NRXN1: variants seen among roughly 807,000 people sequenced by gnomAD.
NRXN1 encodes neurexin 1, also known as neurexin-1.
Under a neutral mutation model 150.9 loss-of-function variants are expected in NRXN1, and 39 were observed. The observed-to-expected ratio is 0.26, with a 90% CI of 0.20 to 0.34. NRXN1 has a LOEUF of 0.34. Among genes scored for constraint, NRXN1 ranks in the 10% least tolerant of loss-of-function variants. The pLI, the probability that NRXN1 is intolerant of heterozygous loss-of-function variation, is 1.00. For synonymous variants in NRXN1, 924 were observed against 757.0 expected, an observed-to-expected ratio of 1.22 and a Z score of -3.62; for missense variants, 1,815 against 1,949.9, an observed-to-expected ratio of 0.93 and a Z score of 1.30.
At chr2:50,437,786 C>T (rs4971677) in intron 17 of NRXN1, among the ~76,000 whole-genome samples, 25,514 of 151,888 alleles carry the variant, frequency 0.17, 2,741 homozygotes, top group East Asian at 0.41. Context: ...ACTAATACAA[C>T]GCTGGTCACC....
At chr2:50,609,383 G>C (rs1161169408) in intron 8 of NRXN1, among the ~76,000 whole-genome samples, 1 of 152,106 alleles carries the variant, frequency 6.6e-6, no homozygotes, top group African/African-American at 2.4e-5. Context: ...CCATGTGACT[G>C]CATAGGTTAT....
Position 50,091,336 on chromosome 2 carries a change from C to T in NRXN1, c.3705G>A (p.Glu1235=). 6.2e-7 allele frequency: 1 copy of T among 1,614,166 alleles called. No homozygotes were observed. The highest frequency in any genetic ancestry group is 8.5e-7 in the Non-Finnish European group (1 of 1,180,028). The change falls in exon 19 of 23, where the codon GAG becomes GAA. Residue 1235 remains glutamate, a synonymous_variant. Transcript: ENST00000401669. ...TLQVDSWPVI[E]RYPAGNNDNE... is the part of the protein sequence containing the mutation. Reference sequence around the variant, plus strand: ...TCACTTGCTTACCTGCAGGGTAGCGCTCGATCACTGGCCAGCTGTCCACCT... The same window carrying T: ...TCACTTGCTTACCTGCAGGGTAGCGTTCGATCACTGGCCAGCTGTCCACCT...
chr2:50,463,844 C>T (rs1364830262), intron 17 of NRXN1: 2 of 151,532 alleles, frequency 1.3e-5, no homozygotes, highest in Non-Finnish European at 3.0e-5. Flanking sequence ...TATTTTCACA[C>T]CAAAAAAATC....
At chr2:50,189,159 C>A (rs989672121) in intron 18 of NRXN1, among the ~76,000 whole-genome samples, 1 of 152,110 alleles carries the variant, frequency 6.6e-6, no homozygotes, top group Admixed American at 6.6e-5. Flanking sequence ...AAATGTGGCA[C>A]ATATACACAA....
intron 22 of NRXN1, among the ~76,000 whole-genome samples, chr2:49,931,947 G>A (rs1033706331): frequency 6.6e-6 from 1 of 152,012 alleles, no homozygotes; most frequent in Non-Finnish European, 1.5e-5. Context: ...ACAAAATAAT[G>A]AGATTTATTC....
chr2:50,047,243 C>T (rs1160894804), intron 21 of NRXN1, among the ~76,000 whole-genome samples: 1 of 151,916 alleles, frequency 6.6e-6, no homozygotes, highest in African/African-American at 2.4e-5. Context: ...GTTAGCTTTT[C>T]TATGCCTCAA....
chr2:50,383,635 A>C (rs188136615), intron 17 of NRXN1, among the ~76,000 whole-genome samples: 1 of 152,290 alleles, frequency 6.6e-6, no homozygotes, highest in Admixed American at 6.5e-5. Context: ...CAGAAAGAAT[A>C]AACCTGACAA....
chr2:50,303,918 T>A, intron 17 of NRXN1, among the ~76,000 whole-genome samples: 1 of 99,036 alleles, frequency 1.0e-5, no homozygotes, highest in East Asian at 2.5e-4. Flanking sequence ...TAGCAGAGTC[T>A]TCTGTGGCAA....
chr2:51,005,688 T>C (rs968606333), intron 2 of NRXN1, among the ~76,000 whole-genome samples: 1 of 151,470 alleles, frequency 6.6e-6, no homozygotes, highest in Non-Finnish European at 1.5e-5. Context: ...AATCACCCAA[T>C]TGCAAAAATA....
At chr2:50,734,622 T>C (rs1274381447) in intron 5 of NRXN1, among the ~76,000 whole-genome samples, 5 of 151,978 alleles carry the variant, frequency 3.3e-5, no homozygotes, top group African/African-American at 1.2e-4. Context: ...GGTCCTAAAT[T>C]CACTCTGGTA....
chr2:50,094,234 T>C (rs1699934476), intron 18 of NRXN1, among the ~76,000 whole-genome samples: 1 of 152,208 alleles, frequency 6.6e-6, no homozygotes, highest in Non-Finnish European at 1.5e-5. Context: ...AAATGAAGCA[T>C]AAAGTTACTT....
rs190639495 is a variant in NRXN1 at position 50,344,055 on chromosome 2, G to T, written c.3365-107085C>A. Among the ~76,000 whole-genome samples the T allele has an allele frequency of 2.4e-3, 364 of 152,180 alleles. 2 individuals are homozygous for T. Among genetic ancestry groups the T allele is most frequent in the African/African-American group, 8.2e-3 (340 of 41,506 alleles). On this transcript the variant is annotated intron_variant, in intron 17 of 22. Transcript: ENST00000401669. ...TTCACCCTCATCTATTAGGCTCAAG[G>T]GTTCTTTACTTGTGGGTCCTTTGTC...
At chr2:50,688,282 T>A (rs951287568) in intron 5 of NRXN1, among the ~76,000 whole-genome samples, 1 of 152,198 alleles carries the variant, frequency 6.6e-6, no homozygotes, top group Non-Finnish European at 1.5e-5. Context: ...GGCCTCCCCA[T>A]ATCAATACAT....
At chr2:50,713,188 C>A (rs536016166) in intron 5 of NRXN1, among the ~76,000 whole-genome samples, 1 of 152,028 alleles carries the variant, frequency 6.6e-6, no homozygotes, top group African/African-American at 2.4e-5. Context: ...GTGGCGCATG[C>A]CTGTAATCTC....
intron 17 of NRXN1, among the ~76,000 whole-genome samples, chr2:50,451,342 G>A (rs2086944811): frequency 6.6e-6 from 1 of 152,100 alleles, no homozygotes; most frequent in Non-Finnish European, 1.5e-5. Context: ...TGTTTTCCTG[G>A]TTATTTGAAA....
intron 18 of NRXN1, among the ~76,000 whole-genome samples, chr2:50,161,218 C>T (rs921344731): frequency 5.3e-5 from 8 of 152,088 alleles, no homozygotes; most frequent in Non-Finnish European, 1.0e-4. Flanking sequence ...ACAAAGAATA[C>T]TTTTATCTAT....
rs917627473 is a variant in NRXN1, at chr2:50,667,453, A to C, written c.833-43838T>G. ...ATTTTTAGTTCCTTTCAGTATATCA[A>C]TTTCTGTGAAATAAATAGCATTCTG... On this transcript the variant is annotated intron_variant, in intron 5 of 22. Transcript: ENST00000401669. Among the ~76,000 whole-genome samples, 7 of 152,102 alleles carry C rather than the reference A, an allele frequency of 4.6e-5. 1 individual carries two copies. In the East Asian group the frequency reaches 1.4e-3, roughly 29 times the overall value.
intron 8 of NRXN1, among the ~76,000 whole-genome samples, chr2:50,617,635 G>A (rs564027843): frequency 7.2e-5 from 11 of 152,296 alleles, no homozygotes; most frequent in Non-Finnish European, 1.3e-4. Flanking sequence ...ATAAAGAAGA[G>A]TGAATTGTAT....
At chr2:49,963,016 C>T (rs1676270646) in intron 21 of NRXN1, among the ~76,000 whole-genome samples, 1 of 151,758 alleles carries the variant, frequency 6.6e-6, no homozygotes. Context: ...ATGAAACTGA[C>T]AAAATAAAAC....
Sources: allele counts gnomAD v4.1 joint callset (sites outside exome capture counted in the v4.1 genomes callset), GRCh38; gene constraint gnomAD v4.1.1; transcripts MANE v1.5; gene names NCBI Gene and HGNC (gene_info 2026-07-23, HGNC 2026-07-21).